ESR1: variants seen among roughly 807,000 people sequenced by gnomAD.
The protein encoded by ESR1 is estrogen receptor.
In ESR1, 12 loss-of-function variants were observed where a neutral mutation model predicts 52.7. That is an observed-to-expected ratio of 0.23 (90% CI 0.15 to 0.37). The LOEUF is 0.37. ESR1 is among the 10% of genes least tolerant of loss of function. ESR1 has a pLI of 1.00. For synonymous variants in ESR1, 305 were observed against 316.8 expected, an observed-to-expected ratio of 0.96 and a Z score of 0.39; for missense variants, 584 against 779.7, an observed-to-expected ratio of 0.75 and a Z score of 2.99.
At chr6:151,741,415 A>G (rs898024878) in intron 2 of ESR1, among the ~76,000 whole-genome samples, 3 of 152,166 alleles carry the variant, frequency 2.0e-5, no homozygotes, top group Non-Finnish European at 4.4e-5. Flanking sequence ...GCAGAGTATG[A>G]GTATTTTTTG....
intron 4 of ESR1, among the ~76,000 whole-genome samples, chr6:151,947,876 T>A (rs1423365629): frequency 1.3e-5 from 2 of 150,490 alleles, no homozygotes; most frequent in African/African-American, 4.9e-5. Context: ...ATGTTTTTTT[T>A]ATAACACATA....
intron 1 of ESR1, among the ~76,000 whole-genome samples, chr6:151,698,653 G>T (rs1779547542): frequency 6.6e-6 from 1 of 152,072 alleles, no homozygotes; most frequent in Non-Finnish European, 1.5e-5. Flanking sequence ...AAAGGCTAGA[G>T]CAACAATTTA....
chr6:151,809,014 C>T (rs1252116573), intron 1 of ESR1: 1 of 257,786 alleles, frequency 3.9e-6, no homozygotes, highest in African/African-American at 2.3e-5. Context: ...TGGCTGAGTC[C>T]GCGCTGGAGC....
chr6:152,099,541 A>C lies in ESR1; in HGVS notation c.*575A>C. 4.1e-6 allele frequency: 1 copy of C among 244,118 alleles called. No individual in the cohort carries two copies. The allele number at this position is 244,118 out of a possible 1,614,324, so 15.1% of individuals were successfully genotyped here. A position where few individuals can be genotyped will look rare whatever the true frequency, so the allele number is the denominator to read the frequency against. On this transcript the variant is annotated 3_prime_UTR_variant, in exon 8 of 8. Coordinates refer to ENST00000206249, the MANE Select transcript of ESR1 (RefSeq NM_000125.4). ...GTAGCAGAGTATCTGGTGATTGTCAATTCATTCCCCCTATAGGAATACAAG... is the reference window on the plus strand; with the variant it reads ...GTAGCAGAGTATCTGGTGATTGTCACTTCATTCCCCCTATAGGAATACAAG...
In ESR1 at chr6:152,053,610, ATC is replaced by A. The variant is rs2046865121; in HGVS notation, c.1236-7375_1236-7374del. Among the ~76,000 whole-genome samples, 1 of 139,436 alleles carries A rather than the reference ATC, an allele frequency of 7.2e-6. No individual in the cohort carries two copies. Among genetic ancestry groups the A allele is most frequent in the Admixed American group, 7.2e-5 (1 of 13,872 alleles). 91.5% of individuals were successfully genotyped at this position (139,436 alleles called of 152,430 possible). On this transcript the variant is annotated intron_variant, in intron 5 of 7. Coordinates refer to ENST00000206249, the MANE Select transcript of ESR1 (RefSeq NM_000125.4). The surrounding 1 kb of genome is among the most constrained non-coding windows in gnomAD (Gnocchi z 4.1). The stretch of plus-strand genomic sequence containing the variant: ...TCTCTCTCAATCTGTTTCTCTGTTA[ATC>A]TCTCTTTCTCTCTCCTTCTTTCTGT...
chr6:152,045,619 G>T (rs145203934), intron 5 of ESR1, among the ~76,000 whole-genome samples: 4 of 152,050 alleles, frequency 2.6e-5, no homozygotes, highest in Admixed American at 6.5e-5. Context: ...TACCTTTCTC[G>T]TGGAGTTGTA....
chr6:152,069,537 C>T (rs1234677629), intron 6 of ESR1, among the ~76,000 whole-genome samples: 1 of 136,016 alleles, frequency 7.4e-6, no homozygotes, highest in African/African-American at 3.3e-5. Flanking sequence ...TTTTTGGTAC[C>T]AGGGACCAGC....
At chr6:151,970,167 C>T (rs1016663329) in intron 4 of ESR1, among the ~76,000 whole-genome samples, 2 of 152,090 alleles carry the variant, frequency 1.3e-5, no homozygotes, top group Admixed American at 1.3e-4. Context: ...ATTCTCTGAT[C>T]TTGTACTGGC....
intron 2 of ESR1, among the ~76,000 whole-genome samples, chr6:151,703,757 A>G (rs1175847688): frequency 1.3e-5 from 2 of 152,168 alleles, no homozygotes; most frequent in East Asian, 3.9e-4. Context: ...TTTTCAGCAT[A>G]TACCTCCCTT....
At chr6:151,673,537 C>A (rs1262528430) in intron 1 of ESR1, among the ~76,000 whole-genome samples, 1 of 152,076 alleles carries the variant, frequency 6.6e-6, no homozygotes, top group Non-Finnish European at 1.5e-5. Flanking sequence ...TGGGTTTTAT[C>A]TTTCTAAGAC....
chr6:151,698,495 A>T (rs145479680), intron 1 of ESR1, among the ~76,000 whole-genome samples: 1 of 152,318 alleles, frequency 6.6e-6, no homozygotes, highest in East Asian at 1.9e-4. Flanking sequence ...CTGCTTGGAA[A>T]GGAAAACTGT....
intron 6 of ESR1, chr6:152,122,392 C>A: frequency 6.2e-7 from 1 of 1,613,606 alleles, no homozygotes; most frequent in Non-Finnish European, 8.5e-7. Flanking sequence ...ATGACCCGAT[C>A]CTCCTTATGC....
chr6:151,697,431 C>T (rs978690896), intron 1 of ESR1, among the ~76,000 whole-genome samples: 25 of 152,164 alleles, frequency 1.6e-4, no homozygotes, highest in African/African-American at 5.8e-4. Context: ...TAACAACTAC[C>T]AGACAGCCGT....
chr6:151,832,270 C>A (rs900304530), intron 1 of ESR1, among the ~76,000 whole-genome samples: 2 of 152,050 alleles, frequency 1.3e-5, no homozygotes, highest in Non-Finnish European at 2.9e-5. Flanking sequence ...CAAACCTGGC[C>A]CAGGAGTCAT....
intron 1 of ESR1, among the ~76,000 whole-genome samples, chr6:151,697,906 C>G (rs1779478066): frequency 6.6e-6 from 1 of 152,096 alleles, no homozygotes. Context: ...CGAGACCAGC[C>G]TGGCCAACAT....
chr6:152,081,075 A>G (rs918404382), intron 6 of ESR1, among the ~76,000 whole-genome samples: 1 of 152,194 alleles, frequency 6.6e-6, no homozygotes, highest in Admixed American at 6.5e-5. Flanking sequence ...ACAAGACAGA[A>G]GGTTAACAAG....
intron 5 of ESR1, among the ~76,000 whole-genome samples, chr6:152,035,449 GA>G (rs1246733170): frequency 6.6e-6 from 1 of 151,960 alleles, no homozygotes; most frequent in Non-Finnish European, 1.5e-5. Context: ...ACATTAAAAA[GA>G]AAGCTATACC....
Position 151,720,731 on chromosome 6 carries a change from G to T in ESR1, c.-71+18726G>T, listed in dbSNP as rs79450166. ...GATTGGATAAATTTAAATATAGGAA[G>T]AATTATTTAATCATTTTTTGGAATA... is the stretch of plus-strand genomic sequence containing the variant. On this transcript the variant is annotated intron_variant, in intron 2 of 2. Coordinates refer to the ESR1 transcript ENST00000404742. Among the ~76,000 whole-genome samples the T allele has an allele frequency of 2.9e-3, 441 of 152,128 alleles. 5 individuals are homozygous for T. The highest frequency in any genetic ancestry group is 0.019 in the East Asian group (97 of 5,178).
chr6:151,986,875 T>C (rs1190330759), intron 4 of ESR1, among the ~76,000 whole-genome samples: 1 of 152,052 alleles, frequency 6.6e-6, no homozygotes, highest in Non-Finnish European at 1.5e-5. Flanking sequence ...CAGTTTTTGT[T>C]GTATGCTCAC....
Sources: allele counts gnomAD v4.1 joint callset (sites outside exome capture counted in the v4.1 genomes callset), GRCh38; gene constraint gnomAD v4.1.1; non-coding constraint Gnocchi (gnomAD v3.1); transcripts MANE v1.5; gene names NCBI Gene and HGNC (gene_info 2026-07-23, HGNC 2026-07-21).